PRKN: variants seen among roughly 807,000 people sequenced by gnomAD.
PRKN encodes the protein E3 ubiquitin-protein ligase parkin.
PRKN carries 56 observed loss-of-function variants against 59.5 expected under a neutral mutation model. The ratio of observed to expected loss-of-function variants is 0.94; its 90% confidence interval spans 0.76 to 1.18. The LOEUF (loss-of-function observed/expected upper bound fraction) is 1.18, where lower values mean the gene tolerates loss of function less well. Ranked by LOEUF, PRKN falls within the 50% of genes most tolerant of loss-of-function variation. PRKN has a pLI of 0.00. For synonymous variants in PRKN, 250 were observed against 222.1 expected, an observed-to-expected ratio of 1.13 and a Z score of -1.12; for missense variants, 657 against 596.4, an observed-to-expected ratio of 1.10 and a Z score of -1.06.
At chr6:162,223,123 C>T (rs1434719472) in intron 3 of PRKN, among the ~76,000 whole-genome samples, 1 of 150,948 alleles carries the variant, frequency 6.6e-6, no homozygotes, top group Admixed American at 6.6e-5. Context: ...GTTTTTTGTC[C>T]TTGCGATAGT....
chr6:162,243,581 A>T (rs1259463166), intron 3 of PRKN, among the ~76,000 whole-genome samples: 1 of 152,164 alleles, frequency 6.6e-6, no homozygotes, highest in East Asian at 1.9e-4. Flanking sequence ...TCTAGTACAT[A>T]GTACTCAGTT....
chr6:162,379,474 G>C (rs1469444513), intron 2 of PRKN, among the ~76,000 whole-genome samples: 2 of 152,144 alleles, frequency 1.3e-5, no homozygotes, highest in Non-Finnish European at 2.9e-5. Context: ...TACCCCTCAA[G>C]ACTAAATAAA....
intron 6 of PRKN, among the ~76,000 whole-genome samples, chr6:161,825,836 T>TG (rs1467150217): frequency 6.6e-6 from 1 of 152,166 alleles, no homozygotes; most frequent in Non-Finnish European, 1.5e-5. Flanking sequence ...GGTTTCTTCC[T>TG]TGCAAATTTT....
intron 7 of PRKN, among the ~76,000 whole-genome samples, chr6:161,759,514 T>C (rs5019036): frequency 2.7e-4 from 1 of 3,760 alleles, no homozygotes; most frequent in African/African-American, 5.3e-4. Flanking sequence ...ATTTCTAGTA[T>C]TTCTAAGATG....
intron 2 of PRKN, among the ~76,000 whole-genome samples, chr6:162,289,804 C>T (rs1583321418): frequency 6.6e-6 from 1 of 152,136 alleles, no homozygotes; most frequent in Admixed American, 6.5e-5. Context: ...CCAGCTGCCT[C>T]TGCTGTGGCA....
chr6:162,599,050 C>T (rs1177588939), intron 1 of PRKN, among the ~76,000 whole-genome samples: 6 of 152,038 alleles, frequency 3.9e-5, no homozygotes, highest in African/African-American at 1.4e-4. Flanking sequence ...TTTATGAGGT[C>T]CCAGTATACA....
At chr6:161,481,448 CA>C (rs1791393081) in intron 9 of PRKN, among the ~76,000 whole-genome samples, 1 of 151,966 alleles carries the variant, frequency 6.6e-6, no homozygotes, top group Non-Finnish European at 1.5e-5. Flanking sequence ...ACTAAAAATA[CA>C]AAAAATTAGC....
chr6:161,711,310 C>T (rs1023185107), intron 7 of PRKN, among the ~76,000 whole-genome samples: 2 of 152,086 alleles, frequency 1.3e-5, no homozygotes, highest in Non-Finnish European at 2.9e-5. Context: ...ATGGAGGAAG[C>T]ATTGTTACTA....
At chr6:162,451,617 A>G (rs1021646389) in intron 1 of PRKN, among the ~76,000 whole-genome samples, 6 of 152,154 alleles carry the variant, frequency 3.9e-5, no homozygotes, top group Admixed American at 3.3e-4. Context: ...TTCTAGAACT[A>G]AAACTACAAT....
chr6:162,186,364 A>G (rs1784030906), intron 4 of PRKN, among the ~76,000 whole-genome samples: 1 of 151,816 alleles, frequency 6.6e-6, no homozygotes, highest in Admixed American at 6.6e-5. Context: ...CAGAAAGTAC[A>G]TCCTTTTCTT....
chr6:162,671,710 G>A (rs936485302), intron 1 of PRKN, among the ~76,000 whole-genome samples: 3 of 150,766 alleles, frequency 2.0e-5, no homozygotes, highest in Non-Finnish European at 4.4e-5. Flanking sequence ...TAGGAAATAC[G>A]AAAAATATAC....
At chr6:161,836,018 GC>G (rs1792738280) in intron 6 of PRKN, among the ~76,000 whole-genome samples, 1 of 151,992 alleles carries the variant, frequency 6.6e-6, no homozygotes, top group Non-Finnish European at 1.5e-5. Flanking sequence ...ATGGCTTTTT[GC>G]CAGAAAGATG....
chr6:162,674,235 C>T (rs1286224644), intron 1 of PRKN, among the ~76,000 whole-genome samples: 1 of 152,072 alleles, frequency 6.6e-6, no homozygotes, highest in Non-Finnish European at 1.5e-5. Flanking sequence ...TTGGATGAAG[C>T]CCCACCAATG....
intron 7 of PRKN, among the ~76,000 whole-genome samples, chr6:161,706,609 G>T (rs111275142): frequency 6.6e-6 from 1 of 151,974 alleles, no homozygotes; most frequent in East Asian, 1.9e-4. Context: ...TTTTTTTACA[G>T]TCTCTCTCTG....
chr6:162,608,353 C>T (rs550207563), intron 1 of PRKN, among the ~76,000 whole-genome samples: 17 of 152,014 alleles, frequency 1.1e-4, no homozygotes, highest in Non-Finnish European at 2.2e-4. Context: ...AAAGTCAGGA[C>T]GTTAATGTAG....
At chr6:161,772,226 C>T (rs1004981953) in intron 7 of PRKN, among the ~76,000 whole-genome samples, 2 of 152,162 alleles carry the variant, frequency 1.3e-5, no homozygotes, top group African/African-American at 2.4e-5. Context: ...GGGATTCCAG[C>T]CTCAGATACA....
intron 1 of PRKN, among the ~76,000 whole-genome samples, chr6:162,681,189 A>G (rs1779756118): frequency 6.6e-6 from 1 of 152,162 alleles, no homozygotes; most frequent in Non-Finnish European, 1.5e-5. Flanking sequence ...ATAGTTTATT[A>G]GCAAAAAATG....
chr6:161,920,748 C>A (rs547645047), intron 6 of PRKN, among the ~76,000 whole-genome samples: 1 of 151,642 alleles, frequency 6.6e-6, no homozygotes, highest in Admixed American at 6.6e-5. Context: ...CAAGATAGCG[C>A]CACTGCACTC....
intron 3 of PRKN, among the ~76,000 whole-genome samples, chr6:162,237,087 T>A (rs1379967442): frequency 6.6e-6 from 1 of 152,162 alleles, no homozygotes; most frequent in Non-Finnish European, 1.5e-5. Context: ...TAACGTCTAC[T>A]CTTACTAAAT....
Sources: allele counts gnomAD v4.1 joint callset (sites outside exome capture counted in the v4.1 genomes callset), GRCh38; gene constraint gnomAD v4.1.1; transcripts MANE v1.5; gene names NCBI Gene and HGNC (gene_info 2026-07-23, HGNC 2026-07-21).